Variants in GIGYF2 observed in about 807,000 individuals in gnomAD.
The protein encoded by GIGYF2 is GRB10 interacting GYF protein 2, also known as GRB10-interacting GYF protein 2.
In GIGYF2, 25 loss-of-function variants were observed where a neutral mutation model predicts 208.1. That is an observed-to-expected ratio of 0.12 (90% CI 0.09 to 0.17). GIGYF2 has a LOEUF of 0.17. Among genes scored for constraint, GIGYF2 ranks in the 10% least tolerant of loss-of-function variants. The probability of loss-of-function intolerance (pLI) is 1.00; values close to 1 mark genes in which losing one functional copy is unlikely to be tolerated. For missense variants in GIGYF2, 1,302 were observed against 1,579.4 expected (o/e 0.82, Z 2.98); for synonymous variants, 534 against 543.8 (o/e 0.98, Z 0.25).
At position 232,833,106 on chromosome 2, in the gene GIGYF2, G is replaced by T. The variant is rs1174616313; in HGVS notation, c.2766+13G>T. The T allele has an allele frequency of 6.5e-7, 1 of 1,538,748 alleles. No individual in the cohort carries two copies. The highest frequency in any genetic ancestry group is 1.4e-5 in the African/African-American group (1 of 72,788). The stretch of plus-strand genomic sequence containing the variant: ...GGCGCAGATGAAGGTAAAGCCCGAG[G>T]CATCAACCTTAGGAGCTCCTTGCTA... On this transcript the variant is annotated intron_variant, in intron 22 of 28. Transcript: ENST00000373563.
intron 2 of GIGYF2, among the ~76,000 whole-genome samples, chr2:232,711,133 G>C (rs1054877832): frequency 2.7e-5 from 4 of 149,460 alleles, no homozygotes; most frequent in African/African-American, 4.9e-5. Flanking sequence ...ACAGTGTCTT[G>C]GTCAGTCACC....
intron 12 of GIGYF2, 26 bp downstream of exon 12, chr2:232,791,472 CT>C: frequency 6.3e-7 from 1 of 1,594,008 alleles, no homozygotes; most frequent in East Asian, 2.3e-5. Context: ...AATAGACAAG[CT>C]AAAATAGGAT....
intron 2 of GIGYF2, among the ~76,000 whole-genome samples, chr2:232,718,289 G>A (rs1000543641): frequency 6.6e-6 from 1 of 152,136 alleles, no homozygotes; most frequent in East Asian, 1.9e-4. Flanking sequence ...GTAGAGACAG[G>A]GTTTCACCGT....
intron 14 of GIGYF2, among the ~76,000 whole-genome samples, chr2:232,797,306 G>A (rs1198966001): frequency 2.0e-5 from 3 of 152,098 alleles, no homozygotes; most frequent in Non-Finnish European, 4.4e-5. Flanking sequence ...CTTCATATTA[G>A]TGTAATTTTA....
At position 232,860,425 on chromosome 2, in the gene GIGYF2, T is replaced by C. The variant is rs1292622343; in HGVS notation, c.*3565T>C. ...ACAAATATGTATATAAAAGTATATG[T>C]TTTACATTTTCAATATATATATAAT... On this transcript the variant is annotated 3_prime_UTR_variant, in exon 29 of 29. Coordinates refer to ENST00000373563, the MANE Select transcript of GIGYF2 (RefSeq NM_001103146.3). 6.7e-6 allele frequency: 1 copy of C among 149,280 alleles called. No homozygotes were observed. The highest frequency in any genetic ancestry group is 1.9e-4 in the East Asian group (1 of 5,160). The allele number at this position is 149,280 out of a possible 1,614,324, so 9.2% of individuals were successfully genotyped here.
At chr2:232,699,827 G>A (rs187176757) in intron 1 of GIGYF2, among the ~76,000 whole-genome samples, 3 of 152,232 alleles carry the variant, frequency 2.0e-5, no homozygotes, top group East Asian at 1.9e-4. Context: ...TGTCCAGCCC[G>A]GAGACTCTTC....
chr2:232,735,470 G>A (rs1697694691), intron 3 of GIGYF2: 2 of 413,812 alleles, frequency 4.8e-6, no homozygotes, highest in Admixed American at 4.1e-5. Context: ...ATGATGGCGG[G>A]AGTCCCACCC....
chr2:232,844,990 AAGTT>A (rs1224077728), intron 25 of GIGYF2, among the ~76,000 whole-genome samples: 1 of 152,190 alleles, frequency 6.6e-6, no homozygotes, highest in East Asian at 1.9e-4. Context: ...TTATTTTTAT[AAGTT>A]AGTTACATTT....
intron 17 of GIGYF2, among the ~76,000 whole-genome samples, chr2:232,811,611 A>C (rs988935962): frequency 2.8e-4 from 42 of 152,338 alleles, no homozygotes; most frequent in African/African-American, 1.0e-3. Flanking sequence ...AAACAGTGTC[A>C]TCTTGTGGAA....
At chr2:232,730,030 T>C (rs1380031077) in intron 2 of GIGYF2, 1 of 828,466 alleles carries the variant, frequency 1.2e-6, no homozygotes, top group African/African-American at 1.7e-5. Context: ...TTGATGTGAT[T>C]ATACCAACGA....
chr2:232,747,805 G>T, intron 4 of GIGYF2, 61 bp downstream of exon 4: 1 of 1,451,446 alleles, frequency 6.9e-7, no homozygotes. Context: ...ATACCATGAT[G>T]TACTGATACA....
chr2:232,801,617 C>G (rs2106375258), intron 14 of GIGYF2, among the ~76,000 whole-genome samples: 1 of 152,300 alleles, frequency 6.6e-6, no homozygotes, highest in Non-Finnish European at 1.5e-5. Context: ...AACAAGCATA[C>G]TAATCATTTT....
chr2:232,794,817 T>C lies in GIGYF2; in HGVS notation c.1352T>C (p.Leu451Pro), dbSNP rs1479593264. The C allele has an allele frequency of 6.2e-7, 1 of 1,613,780 alleles. No homozygotes were observed. Among genetic ancestry groups the C allele is most frequent in the African/African-American group, 1.3e-5 (1 of 74,900 alleles). The change falls in exon 13 of 29, where the codon CTT (leucine) becomes CCT (proline). Residue 451 changes from leucine (L) to proline (P), a missense_variant. This residue lies in a region of GIGYF2 where 235 missense variants were observed against 218.8 expected (regional missense o/e 1.07). Transcript: ENST00000373563. ...PSDTASPLLI[L>P]PPPVPNPSPT... ...GATACAGCCTCTCCTCTTCTCATAC[T>C]TCCACCTCCTGTTCCCAATCCTAGT... is the stretch of plus-strand genomic sequence containing the variant.
rs1690666112 is a variant in GIGYF2, at chr2:232,858,682, G to A, written c.*1822G>A. On this transcript the variant is annotated 3_prime_UTR_variant, in exon 29 of 29. Transcript: ENST00000373563. ...TGGAGGCTGAGTTCTGCACTAAACT[G>A]TTCCTCTTGGTACCATGGAAAAGCT... 1 of 390,180 alleles carries A rather than the reference G, an allele frequency of 2.6e-6. No individual in the cohort carries two copies. Among genetic ancestry groups the A allele is most frequent in the Admixed American group, 3.2e-5 (1 of 30,926 alleles). 24.2% of individuals were successfully genotyped at this position (390,180 alleles called of 1,614,324 possible).
chr2:232,803,246 G>A (rs2106376789), intron 14 of GIGYF2, among the ~76,000 whole-genome samples: 1 of 152,248 alleles, frequency 6.6e-6, no homozygotes, highest in Admixed American at 6.5e-5. Flanking sequence ...TGGATATGTG[G>A]TTTGTACATA....
At chr2:232,700,425 AC>A (rs1310227630) in intron 1 of GIGYF2, among the ~76,000 whole-genome samples, 1 of 152,192 alleles carries the variant, frequency 6.6e-6, no homozygotes, top group East Asian at 1.9e-4. Flanking sequence ...ATCTGGGAGA[AC>A]CTTTTTGGGT....
rs116520592 is a variant in GIGYF2, at chr2:232,747,675, G to A, written c.102G>A (p.Pro34=). ...CCCCTCCTCTTTCTCCAGCATTGCC[G>A]AAGTATAAATTAGCAGATTATCGTT... ...ITSPPLSPAL[P]KYKLADYRYG... is the part of the protein sequence containing the mutation. Residue 34 remains proline, a synonymous_variant, in exon 4 of 29, where the codon CCG becomes CCA. Coordinates refer to ENST00000373563, the MANE Select transcript of GIGYF2 (RefSeq NM_001103146.3). 7 of 1,613,628 alleles carry A rather than the reference G, an allele frequency of 4.3e-6. No homozygotes were observed. Among genetic ancestry groups the A allele is most frequent in the Middle Eastern group, 1.7e-4 (1 of 6,060 alleles).
chr2:232,720,581 A>ATTTTTTTTTT (rs1331036864), intron 2 of GIGYF2, among the ~76,000 whole-genome samples: 1 of 117,846 alleles, frequency 8.5e-6, no homozygotes, highest in South Asian at 4.1e-4. Flanking sequence ...ATATATATAT[A>ATTTTTTTTTT]TATTTTTGTT....
chr2:232,789,947 G>A lies in GIGYF2; in HGVS notation c.713-751G>A, dbSNP rs1318145152. ...CGTAGGGGTATTATATGGATAGGGA[G>A]AATTAAGAGATGAGAAAGAAGGGAG... On this transcript the variant is annotated intron_variant, in intron 9 of 28. Transcript: ENST00000373563. Among the ~76,000 whole-genome samples, 4 of 152,024 alleles carry A rather than the reference G, an allele frequency of 2.6e-5. No homozygotes were observed. In the East Asian group the frequency reaches 7.7e-4, roughly 29 times the overall value.
Sources: gnomAD v4.1 joint callset for allele counts (sites outside exome capture counted in the v4.1 genomes callset) on GRCh38, gnomAD v4.1.1 for gene constraint, gnomAD v4.1.1 regional missense constraint, MANE v1.5 for transcripts, NCBI Gene and HGNC (gene_info 2026-07-23, HGNC 2026-07-21) for gene names.